The following DAB1 variants were observed in gnomAD, a reference collection of about 807,000 sequenced individuals.
DAB1 encodes disabled homolog 1.
DAB1 carries 15 observed loss-of-function variants against 64.6 expected under a neutral mutation model. The observed-to-expected ratio is 0.23, with a 90% CI of 0.16 to 0.36. The LOEUF (loss-of-function observed/expected upper bound fraction) is 0.36. Among genes scored for constraint, DAB1 ranks in the 10% least tolerant of loss-of-function variants. The pLI is 1.00. For synonymous variants in DAB1, 235 were observed against 251.9 expected (o/e 0.93, Z 0.64); for missense variants, 596 against 706.7 (o/e 0.84, Z 1.78).
intron 7 of DAB1, among the ~76,000 whole-genome samples, chr1:57,573,458 G>A (rs1335267364): frequency 1.3e-5 from 2 of 152,120 alleles, no homozygotes; most frequent in Non-Finnish European, 2.9e-5. Flanking sequence ...AATATTTTCA[G>A]ACCTGCATAA....
chr1:57,496,062 C>T (rs527770841), intron 7 of DAB1, among the ~76,000 whole-genome samples: 70 of 152,262 alleles, frequency 4.6e-4, no homozygotes, highest in African/African-American at 1.6e-3. Context: ...CTGGGTTGTA[C>T]GTGTTTCTCT....
At chr1:57,945,486 C>A (rs1393581759) in intron 5 of DAB1, among the ~76,000 whole-genome samples, 1 of 151,210 alleles carries the variant, frequency 6.6e-6, no homozygotes, top group Non-Finnish European at 1.5e-5. Flanking sequence ...CACTATGTCA[C>A]CTAGGTGGGT....
intron 7 of DAB1, among the ~76,000 whole-genome samples, chr1:57,471,064 C>T (rs753455903): frequency 1.1e-4 from 17 of 152,188 alleles, no homozygotes; most frequent in Non-Finnish European, 2.2e-4. Context: ...TGATCTGCAG[C>T]AAGGCAAACA....
intron 4 of DAB1, among the ~76,000 whole-genome samples, chr1:58,201,906 C>A (rs1658019156): frequency 6.6e-6 from 1 of 152,120 alleles, no homozygotes; most frequent in African/African-American, 2.4e-5. Context: ...TGATAGGTAG[C>A]AGAGTATGGC....
At chr1:57,588,544 A>C (rs919251297) in intron 7 of DAB1, among the ~76,000 whole-genome samples, 6 of 152,234 alleles carry the variant, frequency 3.9e-5, no homozygotes, top group Non-Finnish European at 8.8e-5. Flanking sequence ...ACATCAAAGA[A>C]AAAAGTGAGT....
intron 1 of DAB1, among the ~76,000 whole-genome samples, chr1:57,294,966 G>A (rs770364624): frequency 2.6e-5 from 4 of 152,192 alleles, no homozygotes; most frequent in Non-Finnish European, 4.4e-5. Context: ...AGGCAAGTAA[G>A]TTAGACAAAA....
intron 1 of DAB1, among the ~76,000 whole-genome samples, chr1:57,362,894 C>A (rs1273033337): frequency 6.6e-6 from 1 of 152,152 alleles, no homozygotes; most frequent in Non-Finnish European, 1.5e-5. Context: ...CCGTCACTAT[C>A]TTTGAATAAG....
intron 4 of DAB1, among the ~76,000 whole-genome samples, chr1:58,328,668 T>A (rs1428155828): frequency 2.6e-5 from 4 of 151,854 alleles, no homozygotes; most frequent in Middle Eastern, 3.2e-3. Context: ...TACAGTGGAG[T>A]AATCTCGGCT....
At chr1:58,019,849 C>G (rs549086566) in intron 5 of DAB1, among the ~76,000 whole-genome samples, 7 of 152,104 alleles carry the variant, frequency 4.6e-5, no homozygotes, top group Non-Finnish European at 8.8e-5. Flanking sequence ...GACTGGGTAA[C>G]CTTTGTAATC....
At chr1:57,249,893 CATATCCTAGTATGT>C (rs1474630384) in intron 2 of DAB1, among the ~76,000 whole-genome samples, 2 of 152,216 alleles carry the variant, frequency 1.3e-5, no homozygotes, top group Non-Finnish European at 2.9e-5. Context: ...CAGATTAAAA[CATATCCTAGTATGT>C]ATTGCTTGCA....
chr1:57,155,286 T>C (rs1452003439), intron 2 of DAB1, among the ~76,000 whole-genome samples: 1 of 152,324 alleles, frequency 6.6e-6, no homozygotes, highest in East Asian at 1.9e-4. Flanking sequence ...AGAGACTTTT[T>C]TTTCCCAAGT....
At chr1:58,048,294 CA>C in intron 5 of DAB1, 5 of 1,253,564 alleles carry the variant, frequency 4.0e-6, no homozygotes, top group Non-Finnish European at 5.8e-6. Context: ...CTTCTGCCTC[CA>C]AAATCTCCCC....
intron 7 of DAB1, among the ~76,000 whole-genome samples, chr1:57,519,111 C>T (rs529823988): frequency 4.3e-4 from 65 of 152,236 alleles, no homozygotes; most frequent in African/African-American, 1.4e-3. Context: ...GTGATAATGG[C>T]CCCCCAAAAT....
intron 2 of DAB1, 79 bp from the exon 3 acceptor site, chr1:57,145,508 G>T: frequency 2.0e-6 from 3 of 1,467,638 alleles, no homozygotes; most frequent in Non-Finnish European, 2.8e-6. Context: ...TCCAAGATCC[G>T]CTGTCTGGTT....
chr1:57,346,122 T>C (rs907030154), intron 1 of DAB1, among the ~76,000 whole-genome samples: 3 of 152,212 alleles, frequency 2.0e-5, no homozygotes, highest in Non-Finnish European at 2.9e-5. Flanking sequence ...CTGTGGTCTT[T>C]CACTACGCTA....
intron 1 of DAB1, among the ~76,000 whole-genome samples, chr1:57,329,725 A>G (rs1676493090): frequency 6.6e-6 from 1 of 151,742 alleles, no homozygotes; most frequent in African/African-American, 2.4e-5. Flanking sequence ...ACACCTCTAT[A>G]TTTGCAAGTT....
intron 2 of DAB1, among the ~76,000 whole-genome samples, chr1:58,513,721 T>C (rs1216386624): frequency 6.6e-6 from 1 of 152,216 alleles, no homozygotes; most frequent in Non-Finnish European, 1.5e-5. Flanking sequence ...TGACACCACA[T>C]GCCAGGCATT....
rs1557575054 is a variant in DAB1, at chr1:57,026,053, C to A, written c.724-10G>T. 6.2e-7 allele frequency: 1 copy of A among 1,600,852 alleles called. No homozygotes were observed. The highest frequency in any genetic ancestry group is 8.5e-7 in the Non-Finnish European group (1 of 1,173,908). On this transcript the variant is annotated splice_polypyrimidine_tract_variant and intron_variant, in intron 9 of 14. Coordinates refer to ENST00000371236, the MANE Select transcript of DAB1 (RefSeq NM_001365792.1). ...CTAATTGGGTCACAGCCTGTAAAGA[C>A]AAAAAGGTAATCATGTGACTACAAA...
downstream of DAB1, among the ~76,000 whole-genome samples, chr1:57,824,843 T>A (rs1439293378): frequency 6.6e-6 from 1 of 152,186 alleles, no homozygotes; most frequent in Non-Finnish European, 1.5e-5. Context: ...TAAAGTTTCC[T>A]GGAGAGATTC....
Sources: allele counts gnomAD v4.1 joint callset (sites outside exome capture counted in the v4.1 genomes callset), GRCh38; gene constraint gnomAD v4.1.1; transcripts MANE v1.5; gene names NCBI Gene and HGNC (gene_info 2026-07-23, HGNC 2026-07-21).